The following RABGAP1L variants were observed in gnomAD, a reference collection of about 807,000 sequenced individuals.
The protein encoded by RABGAP1L is RAB GTPase activating protein 1 like.
Under a neutral mutation model 137.7 loss-of-function variants are expected in RABGAP1L, and 63 were observed. That is an observed-to-expected ratio of 0.46 (90% CI 0.37 to 0.56). The LOEUF is 0.56. RABGAP1L is among the 20% of genes least tolerant of loss of function. The pLI, the probability that RABGAP1L is intolerant of heterozygous loss-of-function variation, is 0.00. For missense variants in RABGAP1L, 1,095 were observed against 1,244.0 expected, an observed-to-expected ratio of 0.88 and a Z score of 1.80; for synonymous variants, 431 against 433.7, an observed-to-expected ratio of 0.99 and a Z score of 0.08.
At position 174,238,189 on chromosome 1, in the gene RABGAP1L, T is replaced by A. The variant is rs1419922874; in HGVS notation, c.543-3294T>A. ...ACATTCTTCTAAATTTTTTTCAAAG[T>A]TTTCAACTTCTTTGCCTTTGGTTTG... On this transcript the variant is annotated intron_variant, in intron 4 of 25. Coordinates refer to ENST00000681986, the MANE Select transcript of RABGAP1L (RefSeq NM_001366446.1). Among the ~76,000 whole-genome samples, 18 of 152,136 alleles carry A rather than the reference T, an allele frequency of 1.2e-4. No homozygotes were observed. In the South Asian group the frequency reaches 3.7e-3, roughly 32 times the overall value.
chr1:174,310,783 G>A (rs531422914), intron 11 of RABGAP1L, among the ~76,000 whole-genome samples: 1 of 152,102 alleles, frequency 6.6e-6, no homozygotes, highest in Non-Finnish European at 1.5e-5. Flanking sequence ...AAAGAATGCA[G>A]TGTGAAATAA....
intron 14 of RABGAP1L, among the ~76,000 whole-genome samples, chr1:174,675,312 G>C (rs1166449919): frequency 6.6e-6 from 1 of 151,204 alleles, no homozygotes; most frequent in Non-Finnish European, 1.5e-5. Context: ...CATATGGCTA[G>C]CCAGTTTTCC....
chr1:174,459,566 A>G (rs1324761601), intron 13 of RABGAP1L, among the ~76,000 whole-genome samples: 1 of 152,134 alleles, frequency 6.6e-6, no homozygotes, highest in Non-Finnish European at 1.5e-5. Flanking sequence ...ACAATATCTA[A>G]TACAATGTAA....
At position 174,767,783 on chromosome 1, in the gene RABGAP1L, C is replaced by T. The variant is rs112304106; in HGVS notation, c.2211+15429C>T. 5.3e-3 allele frequency among the ~76,000 whole-genome samples: 808 copies of T among 152,014 alleles called. 10 individuals are homozygous for T. The highest frequency in any genetic ancestry group is 0.018 in the African/African-American group (764 of 41,440). ...TTTCATGCAGCTGATAAAGACATAC[C>T]CGAGACTGGGCAATTTACAAAAAAA... is the stretch of plus-strand genomic sequence containing the variant. On this transcript the variant is annotated intron_variant, in intron 18 of 25. Coordinates refer to ENST00000681986, the MANE Select transcript of RABGAP1L (RefSeq NM_001366446.1).
chr1:174,874,946 AG>A (rs1367290080), intron 19 of RABGAP1L, among the ~76,000 whole-genome samples: 1 of 152,186 alleles, frequency 6.6e-6, no homozygotes, highest in Non-Finnish European at 1.5e-5. Flanking sequence ...GGGTGACAAA[AG>A]GTGAAGATTG....
At chr1:174,583,852 T>C (rs889295366) in intron 13 of RABGAP1L, among the ~76,000 whole-genome samples, 1 of 152,218 alleles carries the variant, frequency 6.6e-6, no homozygotes, top group African/African-American at 2.4e-5. Context: ...GTATAGATAA[T>C]ATCTAATCTT....
intron 19 of RABGAP1L, among the ~76,000 whole-genome samples, chr1:174,868,004 C>T (rs1043307951): frequency 1.2e-4 from 18 of 152,010 alleles, no homozygotes; most frequent in African/African-American, 3.9e-4. Flanking sequence ...CTTGCTCCGT[C>T]GCCCAGGGTG....
chr1:174,673,887 T>C (rs1245989341), intron 14 of RABGAP1L, among the ~76,000 whole-genome samples: 2 of 152,096 alleles, frequency 1.3e-5, no homozygotes, highest in African/African-American at 4.8e-5. Flanking sequence ...TGCTACCTCA[T>C]TATTTAGCTT....
intron 17 of RABGAP1L, among the ~76,000 whole-genome samples, chr1:174,745,406 A>G (rs1683792933): frequency 6.6e-6 from 1 of 152,220 alleles, no homozygotes; most frequent in Non-Finnish European, 1.5e-5. Context: ...TTGAAATGAG[A>G]GAACAGAGAC....
chr1:174,489,166 A>G (rs1475852112), intron 13 of RABGAP1L, among the ~76,000 whole-genome samples: 1 of 152,026 alleles, frequency 6.6e-6, no homozygotes, highest in Non-Finnish European at 1.5e-5. Context: ...ACAAAAGCCA[A>G]AATAGACAAA....
intron 1 of RABGAP1L, among the ~76,000 whole-genome samples, chr1:174,195,484 A>G (rs751581976): frequency 2.6e-5 from 4 of 151,998 alleles, no homozygotes; most frequent in Admixed American, 6.5e-5. Context: ...TGAGAGTGTA[A>G]TATGTTTAAG....
intron 11 of RABGAP1L, among the ~76,000 whole-genome samples, chr1:174,334,356 C>T (rs2148872993): frequency 6.6e-6 from 1 of 152,138 alleles, no homozygotes; most frequent in East Asian, 1.9e-4. Flanking sequence ...AGCCTTGTCC[C>T]CTCCCCTGGA....
At chr1:174,510,671 T>A (rs887966100) in intron 13 of RABGAP1L, among the ~76,000 whole-genome samples, 1 of 152,128 alleles carries the variant, frequency 6.6e-6, no homozygotes, top group Non-Finnish European at 1.5e-5. Context: ...ATTTACATAG[T>A]ATAAATGAAC....
intron 18 of RABGAP1L, among the ~76,000 whole-genome samples, chr1:174,797,574 T>TCATG (rs1688345532): frequency 1.5e-5 from 1 of 68,850 alleles, no homozygotes; most frequent in Non-Finnish European, 2.7e-5. Flanking sequence ...GGGGGTGTGA[T>TCATG]GTGTGGGGGT....
chr1:174,852,726 G>A (rs1648577893), intron 19 of RABGAP1L, among the ~76,000 whole-genome samples: 2 of 151,772 alleles, frequency 1.3e-5, no homozygotes, highest in African/African-American at 4.8e-5. Context: ...TGAGGCAAGA[G>A]AATCACTTGA....
chr1:174,485,164 T>C (rs1393817700), intron 13 of RABGAP1L, among the ~76,000 whole-genome samples: 3 of 152,172 alleles, frequency 2.0e-5, no homozygotes, highest in Middle Eastern at 3.2e-3. Flanking sequence ...TTTACTGTTA[T>C]AAAAATGGTT....
intron 13 of RABGAP1L, among the ~76,000 whole-genome samples, chr1:174,503,532 G>T (rs1258577221): frequency 1.3e-5 from 2 of 151,830 alleles, no homozygotes; most frequent in South Asian, 2.1e-4. Flanking sequence ...GTGGTGATGG[G>T]CTCCTGTAGT....
chr1:174,567,090 G>A (rs972526367), intron 13 of RABGAP1L, among the ~76,000 whole-genome samples: 2 of 151,968 alleles, frequency 1.3e-5, no homozygotes, highest in Non-Finnish European at 2.9e-5. Flanking sequence ...TATGTTAACA[G>A]TGTTGTATAA....
In RABGAP1L at chr1:174,578,992, A is replaced by G. The variant is rs576209529; in HGVS notation, c.1711-58383A>G. On this transcript the variant is annotated intron_variant, in intron 13 of 25. Coordinates refer to ENST00000681986, the MANE Select transcript of RABGAP1L (RefSeq NM_001366446.1). ...AATAGCTATTGAATGGAAAAAATACATATAGAACACAGTCATTTAAGTCGC... is the reference window on the plus strand; with the variant it reads ...AATAGCTATTGAATGGAAAAAATACGTATAGAACACAGTCATTTAAGTCGC... Among the ~76,000 whole-genome samples, 16 of 152,328 alleles carry G rather than the reference A, an allele frequency of 1.1e-4. No individual in the cohort carries two copies. The East Asian group carries it at 3.1e-3, about 29-fold the overall frequency.
Sources: allele counts gnomAD v4.1 joint callset (sites outside exome capture counted in the v4.1 genomes callset), GRCh38; gene constraint gnomAD v4.1.1; transcripts MANE v1.5; gene names NCBI Gene and HGNC (gene_info 2026-07-23, HGNC 2026-07-21).